Variants in GPC5 observed in about 807,000 individuals in gnomAD.
The protein encoded by GPC5 is glypican 5.
Under a neutral mutation model 53.9 loss-of-function variants are expected in GPC5, and 47 were observed. That is an observed-to-expected ratio of 0.87 (90% CI 0.69 to 1.11). The LOEUF is 1.11. Among genes scored for constraint, GPC5 ranks in the 50% most tolerant of loss-of-function variants. The pLI is 0.00. For missense variants in GPC5, 748 were observed against 713.1 expected (o/e 1.05, Z -0.56); for synonymous variants, 286 against 263.3 (o/e 1.09, Z -0.84).
chr13:91,424,656 C>T (rs181042754), intron 1 of GPC5, among the ~76,000 whole-genome samples: 16 of 152,280 alleles, frequency 1.1e-4, no homozygotes, highest in Admixed American at 2.0e-4. Context: ...CATGAGCCAC[C>T]GTGCCCGGCC....
intron 7 of GPC5, among the ~76,000 whole-genome samples, chr13:92,170,690 G>T (rs1425442597): frequency 2.0e-5 from 3 of 152,052 alleles, no homozygotes; most frequent in African/African-American, 7.2e-5. Flanking sequence ...CTCCCAAAGT[G>T]CTGGGATTAC....
In GPC5 at chr13:92,057,565, C is replaced by T. The variant is rs1169264396; in HGVS notation, c.1402-87265C>T. Among the ~76,000 whole-genome samples, 5 of 136,862 alleles carry T rather than the reference C, an allele frequency of 3.7e-5. No homozygotes were observed. In the East Asian group the frequency reaches 1.2e-3, roughly 33 times the overall value. The allele number at this position is 136,862 out of a possible 152,430, so 89.8% of individuals were successfully genotyped here. On this transcript the variant is annotated intron_variant, in intron 6 of 7. Transcript: ENST00000377067. ...GCCTCTTGCTTTTTTGTGATGCATC[C>T]AGAAGTAGGTTTCAATTTTTTTTAA...
intron 7 of GPC5, among the ~76,000 whole-genome samples, chr13:92,239,123 T>C (rs2042590919): frequency 6.6e-6 from 1 of 151,450 alleles, no homozygotes; most frequent in Non-Finnish European, 1.5e-5. Flanking sequence ...TTGTAGTAAG[T>C]TTTCAAATTG....
chr13:92,524,265 C>G (rs1019422143), intron 7 of GPC5, among the ~76,000 whole-genome samples: 2 of 152,200 alleles, frequency 1.3e-5, no homozygotes, highest in African/African-American at 4.8e-5. Context: ...GTCATTTCAG[C>G]AATGTTCACA....
At chr13:91,801,970 T>C (rs953124688) in intron 5 of GPC5, among the ~76,000 whole-genome samples, 5 of 152,228 alleles carry the variant, frequency 3.3e-5, no homozygotes, top group African/African-American at 1.2e-4. Flanking sequence ...CTTGGATTTC[T>C]AGGCATGGTT....
intron 2 of GPC5, among the ~76,000 whole-genome samples, chr13:91,674,551 GCGT>G (rs2035331423): frequency 1.4e-5 from 2 of 146,908 alleles, no homozygotes; most frequent in Non-Finnish European, 3.0e-5. Context: ...GCATATATAT[GCGT>G]ATGTGTATAT....
chr13:92,811,523 AT>A (rs1877299114), intron 7 of GPC5, among the ~76,000 whole-genome samples: 1 of 151,930 alleles, frequency 6.6e-6, no homozygotes, highest in Non-Finnish European at 1.5e-5. Flanking sequence ...ATATTAAAAC[AT>A]TATCAGATAT....
chr13:92,759,972 C>T (rs529185400), intron 7 of GPC5, among the ~76,000 whole-genome samples: 3 of 152,062 alleles, frequency 2.0e-5, no homozygotes, highest in Admixed American at 6.5e-5. Flanking sequence ...TTGATATGAT[C>T]GTGTGGTTTT....
At chr13:92,611,647 C>T (rs1884440674) in intron 7 of GPC5, among the ~76,000 whole-genome samples, 1 of 152,074 alleles carries the variant, frequency 6.6e-6, no homozygotes, top group Non-Finnish European at 1.5e-5. Context: ...GTTTAATGCT[C>T]AGGACTATGT....
At chr13:91,472,201 A>C (rs960215952) in intron 2 of GPC5, among the ~76,000 whole-genome samples, 1 of 152,188 alleles carries the variant, frequency 6.6e-6, no homozygotes, top group Non-Finnish European at 1.5e-5. Flanking sequence ...GACAATGTAT[A>C]ATCTATGGTA....
chr13:91,424,346 CAGAA>C, intron 1 of GPC5, among the ~76,000 whole-genome samples: 1 of 147,022 alleles, frequency 6.8e-6, no homozygotes. Context: ...CGAAGACTGG[CAGAA>C]TCCAGTACTG....
chr13:91,439,222 A>G (rs1388041838), intron 1 of GPC5, among the ~76,000 whole-genome samples: 3 of 152,196 alleles, frequency 2.0e-5, no homozygotes, highest in East Asian at 1.9e-4. Context: ...CAATGTCTAG[A>G]GACATTTTGA....
chr13:91,950,871 A>C (rs2040020177), intron 6 of GPC5, among the ~76,000 whole-genome samples: 1 of 152,172 alleles, frequency 6.6e-6, no homozygotes, highest in Non-Finnish European at 1.5e-5. Context: ...TCAAGATCGC[A>C]TACCAGTAAA....
intron 7 of GPC5, among the ~76,000 whole-genome samples, chr13:92,285,126 A>G (rs1418374528): frequency 6.6e-6 from 1 of 152,166 alleles, no homozygotes; most frequent in African/African-American, 2.4e-5. Flanking sequence ...ATCATGAGTG[A>G]ACTCCCATTC....
chr13:92,054,565 CAA>C (rs1010792620), intron 6 of GPC5, among the ~76,000 whole-genome samples: 2 of 152,112 alleles, frequency 1.3e-5, no homozygotes, highest in African/African-American at 4.8e-5. Context: ...TCAATGAGCC[CAA>C]GTTATAACCC....
At chr13:91,903,084 G>C (rs1178604683) in intron 5 of GPC5, among the ~76,000 whole-genome samples, 1 of 151,082 alleles carries the variant, frequency 6.6e-6, no homozygotes, top group Non-Finnish European at 1.5e-5. Context: ...CTAAAATCAG[G>C]AAACTTGATA....
chr13:92,212,338 C>T (rs1011796046), intron 7 of GPC5, among the ~76,000 whole-genome samples: 1 of 152,110 alleles, frequency 6.6e-6, no homozygotes, highest in South Asian at 2.1e-4. Context: ...CTGTCTAGAG[C>T]TCTGAAGTAT....
intron 7 of GPC5, among the ~76,000 whole-genome samples, chr13:92,273,651 A>T (rs950263863): frequency 1.3e-5 from 2 of 151,000 alleles, no homozygotes; most frequent in Non-Finnish European, 3.0e-5. Context: ...AGAAAATTAA[A>T]ACAATTAAAA....
At chr13:91,865,706 T>G (rs2039076041) in intron 5 of GPC5, among the ~76,000 whole-genome samples, 1 of 152,142 alleles carries the variant, frequency 6.6e-6, no homozygotes, top group Admixed American at 6.6e-5. Flanking sequence ...TTCCTCTTCC[T>G]TCTTTGTTTT....
Sources: gnomAD v4.1 joint callset for allele counts (sites outside exome capture counted in the v4.1 genomes callset) on GRCh38, gnomAD v4.1.1 for gene constraint, MANE v1.5 for transcripts, NCBI Gene and HGNC (gene_info 2026-07-23, HGNC 2026-07-21) for gene names.